The following PCSK5 variants were observed in gnomAD, a reference collection of about 807,000 sequenced individuals.
PCSK5 encodes the protein proprotein convertase subtilisin/kexin type 5.
A neutral mutation model predicts 233.2 loss-of-function variants in PCSK5; 129 were observed. That is an observed-to-expected ratio of 0.55 (90% CI 0.48 to 0.64). PCSK5 has a LOEUF of 0.64. PCSK5 is among the 30% of genes least tolerant of loss of function. The pLI, the probability that PCSK5 is intolerant of heterozygous loss-of-function variation, is 0.00. For missense variants in PCSK5, 2,076 were observed against 2,430.1 expected, an observed-to-expected ratio of 0.85 and a Z score of 3.06; for synonymous variants, 825 against 879.2, an observed-to-expected ratio of 0.94 and a Z score of 1.09.
intron 24 of PCSK5, among the ~76,000 whole-genome samples, chr9:76,273,350 C>G (rs543546598): frequency 6.6e-6 from 1 of 151,990 alleles, no homozygotes; most frequent in Non-Finnish European, 1.5e-5. Context: ...CTACTTGCTT[C>G]ATTCCCCCTG....
intron 3 of PCSK5, among the ~76,000 whole-genome samples, chr9:76,015,295 A>G (rs1244468389): frequency 1.3e-5 from 2 of 152,200 alleles, no homozygotes; most frequent in African/African-American, 4.8e-5. Context: ...CATTGTGTGG[A>G]CAGTTTTCTT....
chr9:76,273,314 A>C (rs992815540), intron 24 of PCSK5, among the ~76,000 whole-genome samples: 1 of 152,052 alleles, frequency 6.6e-6, no homozygotes, highest in East Asian at 1.9e-4. Context: ...CAATACTGAA[A>C]ACACAGAATT....
intron 35 of PCSK5, among the ~76,000 whole-genome samples, chr9:76,340,303 G>A (rs1199905359): frequency 2.0e-5 from 3 of 152,120 alleles, no homozygotes; most frequent in East Asian, 1.9e-4. Context: ...GACTGTATAG[G>A]TAACAAATTC....
At chr9:76,252,679 A>C (rs1386262799) in intron 24 of PCSK5, among the ~76,000 whole-genome samples, 1 of 152,140 alleles carries the variant, frequency 6.6e-6, no homozygotes, top group Non-Finnish European at 1.5e-5. Flanking sequence ...TTCTATTATA[A>C]GTATGTGATT....
chr9:76,058,067 T>G (rs1006602780), intron 5 of PCSK5, among the ~76,000 whole-genome samples: 3 of 152,136 alleles, frequency 2.0e-5, no homozygotes, highest in African/African-American at 7.2e-5. Context: ...TAGGCTGGTC[T>G]CCAACTTCTG....
chr9:76,225,847 G>A (rs1825873227), intron 20 of PCSK5, among the ~76,000 whole-genome samples: 1 of 152,124 alleles, frequency 6.6e-6, no homozygotes, highest in Non-Finnish European at 1.5e-5. Flanking sequence ...GGCAGGCGCA[G>A]CCTACACCAG....
At chr9:76,338,688 G>T (rs1236700339) in intron 35 of PCSK5, among the ~76,000 whole-genome samples, 1 of 152,064 alleles carries the variant, frequency 6.6e-6, no homozygotes, top group East Asian at 1.9e-4. Flanking sequence ...TCATCTCCTT[G>T]AGGAAGTATT....
intron 27 of PCSK5, among the ~76,000 whole-genome samples, chr9:76,297,156 A>G (rs1828466086): frequency 6.6e-6 from 1 of 152,142 alleles, no homozygotes; most frequent in South Asian, 2.1e-4. Flanking sequence ...GAAGCAAGTG[A>G]AGAGAGTCAC....
intron 24 of PCSK5, among the ~76,000 whole-genome samples, chr9:76,269,665 A>C (rs967142663): frequency 2.0e-5 from 3 of 152,240 alleles, no homozygotes; most frequent in Non-Finnish European, 4.4e-5. Context: ...AAAGCACAGA[A>C]GTAGAGAGAA....
intron 27 of PCSK5, among the ~76,000 whole-genome samples, chr9:76,297,938 G>C (rs1011348685): frequency 6.0e-5 from 9 of 150,650 alleles, no homozygotes; most frequent in Non-Finnish European, 1.3e-4. Flanking sequence ...AGCAGCCAAA[G>C]GCCACGGAGA....
chr9:75,971,932 G>A (rs1328963616), intron 2 of PCSK5, among the ~76,000 whole-genome samples: 4 of 152,038 alleles, frequency 2.6e-5, no homozygotes, highest in Non-Finnish European at 5.9e-5. Flanking sequence ...AGTTTAATTA[G>A]ATCCCATTTG....
chr9:76,174,872 C>T (rs891529335), intron 13 of PCSK5, 114 bp from the exon 14 acceptor site: 2 of 835,220 alleles, frequency 2.4e-6, no homozygotes, highest in African/African-American at 1.7e-5. Context: ...TGATTGATAT[C>T]CATCTGCCTC....
chr9:76,263,467 T>A (rs548372836), intron 24 of PCSK5, among the ~76,000 whole-genome samples: 1 of 152,206 alleles, frequency 6.6e-6, no homozygotes, highest in Non-Finnish European at 1.5e-5. Flanking sequence ...GACGAGTTCG[T>A]GTCCTTTGTA....
chr9:76,119,562 A>G (rs1216924539), intron 9 of PCSK5, among the ~76,000 whole-genome samples: 2 of 152,104 alleles, frequency 1.3e-5, no homozygotes, highest in Non-Finnish European at 2.9e-5. Flanking sequence ...GCCTCAGGCT[A>G]GGAAGCTCTT....
chr9:75,914,382 G>A (rs1822889210), intron 1 of PCSK5, among the ~76,000 whole-genome samples: 1 of 152,142 alleles, frequency 6.6e-6, no homozygotes, highest in African/African-American at 2.4e-5. Flanking sequence ...TAAATTAATG[G>A]TAATTTATTT....
intron 28 of PCSK5, among the ~76,000 whole-genome samples, chr9:76,303,394 G>A (rs7043376): frequency 0.067 from 10,184 of 152,070 alleles, 384 homozygotes; most frequent in Non-Finnish European, 0.077. Flanking sequence ...TTGCCAGAAC[G>A]TGAGATACAT....
intron 2 of PCSK5, among the ~76,000 whole-genome samples, chr9:75,935,136 C>T (rs956997256): frequency 1.3e-5 from 2 of 152,126 alleles, no homozygotes; most frequent in Non-Finnish European, 2.9e-5. Flanking sequence ...GGCACGATCT[C>T]GACTCACTGC....
intron 24 of PCSK5, among the ~76,000 whole-genome samples, chr9:76,262,358 G>A (rs1227215463): frequency 1.1e-4 from 17 of 152,214 alleles, no homozygotes; most frequent in East Asian, 5.8e-4. Flanking sequence ...GAGGCATCAC[G>A]CTACCTGACT....
At chr9:76,185,170 A>C (rs889336593) in intron 17 of PCSK5, among the ~76,000 whole-genome samples, 1 of 152,178 alleles carries the variant, frequency 6.6e-6, no homozygotes, top group African/African-American at 2.4e-5. Context: ...TTCTCTCCAC[A>C]TAGCCAATCA....
Sources: gnomAD v4.1 joint callset for allele counts (sites outside exome capture counted in the v4.1 genomes callset) on GRCh38, gnomAD v4.1.1 for gene constraint, MANE v1.5 for transcripts, NCBI Gene and HGNC (gene_info 2026-07-23, HGNC 2026-07-21) for gene names.